The following MLLT3 variants were observed in gnomAD, a reference collection of about 807,000 sequenced individuals.
The protein encoded by MLLT3 is MLLT3 super elongation complex subunit.
Under a neutral mutation model 53.2 loss-of-function variants are expected in MLLT3, and 4 were observed. The observed-to-expected ratio is 0.08, with a 90% CI of 0.04 to 0.17. MLLT3 has a LOEUF of 0.17. MLLT3 is among the 10% of genes least tolerant of loss of function. The pLI is 1.00. For synonymous variants in MLLT3, 283 were observed against 230.6 expected (o/e 1.23, Z -2.06); for missense variants, 569 against 684.0 (o/e 0.83, Z 1.87).
chr9:20,548,673 C>A (rs901271915), intron 2 of MLLT3, among the ~76,000 whole-genome samples: 1 of 152,088 alleles, frequency 6.6e-6, no homozygotes, highest in Non-Finnish European at 1.5e-5. Context: ...ATCTCTTCTG[C>A]GGGCTCTGGG....
chr9:20,491,086 C>T (rs956960606), intron 2 of MLLT3, among the ~76,000 whole-genome samples: 4 of 151,974 alleles, frequency 2.6e-5, no homozygotes, highest in African/African-American at 9.7e-5. Flanking sequence ...TTTATAATGT[C>T]CTTAAGTGAC....
chr9:20,567,088 T>C (rs1819395678), intron 2 of MLLT3, among the ~76,000 whole-genome samples: 1 of 151,504 alleles, frequency 6.6e-6, no homozygotes, highest in South Asian at 2.1e-4. Flanking sequence ...TGGGTCTGAA[T>C]TGTGTTTGAA....
At chr9:20,615,360 G>GGA (rs1820803780) in intron 2 of MLLT3, among the ~76,000 whole-genome samples, 4 of 48,774 alleles carry the variant, frequency 8.2e-5, no homozygotes, top group East Asian at 8.2e-4. Flanking sequence ...CAGACCATGT[G>GGA]AAAAAAAAAA....
chr9:20,402,679 T>C (rs1822485623), intron 5 of MLLT3, among the ~76,000 whole-genome samples: 1 of 152,176 alleles, frequency 6.6e-6, no homozygotes, highest in South Asian at 2.1e-4. Context: ...CCCCCTGAAA[T>C]ACATCAAGTC....
intron 2 of MLLT3, among the ~76,000 whole-genome samples, chr9:20,517,035 T>A (rs532537397): frequency 3.9e-5 from 6 of 152,204 alleles, no homozygotes; most frequent in African/African-American, 1.2e-4. Context: ...TTGTATTTTT[T>A]AAAAATAGTC....
chr9:20,565,984 T>TA (rs1819360745), intron 2 of MLLT3, among the ~76,000 whole-genome samples: 1 of 100,230 alleles, frequency 1.0e-5, no homozygotes, highest in Non-Finnish European at 2.0e-5. Flanking sequence ...ATATATATAT[T>TA]TATTTATATA....
chr9:20,395,344 C>T (rs1047107617), intron 5 of MLLT3, among the ~76,000 whole-genome samples: 2 of 152,118 alleles, frequency 1.3e-5, no homozygotes. Context: ...TGGCTTCATG[C>T]CCTGGCAGAA....
chr9:20,445,339 T>C (rs1405870782), intron 4 of MLLT3, among the ~76,000 whole-genome samples: 1 of 152,144 alleles, frequency 6.6e-6, no homozygotes, highest in African/African-American at 2.4e-5. Context: ...CAGGGTATAT[T>C]TCTTCCAAGA....
At chr9:20,506,870 C>T (rs1825394799) in intron 2 of MLLT3, among the ~76,000 whole-genome samples, 1 of 152,184 alleles carries the variant, frequency 6.6e-6, no homozygotes, top group Admixed American at 6.5e-5. Context: ...TAATCAAAAT[C>T]TACCAGTAGA....
chr9:20,620,293 A>ACACACACGCG lies in MLLT3; in HGVS notation c.193+360_193+361insCGCGTGTGTG, dbSNP rs1176274864. On this transcript the variant is annotated intron_variant, in intron 2 of 10. Transcript: ENST00000380338. This position sits in a 1 kb window ranked among gnomAD's most constrained non-coding sequence, Gnocchi z 6.1. ...CACACACACACACACACACACACAC[A>ACACACACGCG]CGCGCAAAGTGTTTATTCCCTCCAG... 6.9e-6 allele frequency among the ~76,000 whole-genome samples: 1 copy of ACACACACGCG among 145,962 alleles called. No individual in the cohort carries two copies. The highest frequency in any genetic ancestry group is 2.5e-5 in the African/African-American group (1 of 39,816).
rs377584308 is a variant in MLLT3, at chr9:20,417,357, T to C, written c.421-2932A>G. On this transcript the variant is annotated intron_variant, in intron 4 of 10. Transcript: ENST00000380338. ...GCCTATCTGATATTTACATATATTA[T>C]ATAAAAATATATATATTATATATAA... 3.4e-5 allele frequency among the ~76,000 whole-genome samples: 5 copies of C among 147,788 alleles called. No individual in the cohort carries two copies. The East Asian group carries it at 9.8e-4, about 29-fold the overall frequency.
intron 2 of MLLT3, among the ~76,000 whole-genome samples, chr9:20,555,548 A>G (rs1218943958): frequency 2.6e-5 from 4 of 152,250 alleles, no homozygotes; most frequent in African/African-American, 9.6e-5. Context: ...CGGGCTATGT[A>G]TAACATTTAG....
chr9:20,373,645 C>T (rs1821678431), intron 5 of MLLT3, among the ~76,000 whole-genome samples: 1 of 152,020 alleles, frequency 6.6e-6, no homozygotes, highest in African/African-American at 2.4e-5. Flanking sequence ...TACAGTATAA[C>T]TAGTTAAACA....
At chr9:20,459,659 A>T (rs1357579168) in intron 2 of MLLT3, among the ~76,000 whole-genome samples, 1 of 152,152 alleles carries the variant, frequency 6.6e-6, no homozygotes, top group Admixed American at 6.5e-5. Context: ...CTGAATGCAA[A>T]TTGCTCCTAT....
chr9:20,560,370 C>T (rs913056145), intron 2 of MLLT3, among the ~76,000 whole-genome samples: 5 of 152,092 alleles, frequency 3.3e-5, no homozygotes, highest in Admixed American at 1.3e-4. Context: ...CAAAAGAAAA[C>T]ATATTATATC....
intron 4 of MLLT3, 72 bp from the exon 5 acceptor site, chr9:20,414,497 A>C: frequency 2.5e-6 from 4 of 1,581,034 alleles, no homozygotes; most frequent in Non-Finnish European, 3.4e-6. Context: ...AGATCTACAT[A>C]AAATGATCCT....
intron 2 of MLLT3, among the ~76,000 whole-genome samples, chr9:20,585,776 G>A (rs1277318311): frequency 6.6e-6 from 1 of 152,176 alleles, no homozygotes; most frequent in East Asian, 1.9e-4. Flanking sequence ...TCATCTTGGA[G>A]CATGATCACC....
At chr9:20,427,667 A>G (rs1453720585) in intron 4 of MLLT3, among the ~76,000 whole-genome samples, 2 of 151,978 alleles carry the variant, frequency 1.3e-5, no homozygotes, top group East Asian at 3.8e-4. Flanking sequence ...GAAGAACACC[A>G]AAACAAAAAA....
intron 4 of MLLT3, among the ~76,000 whole-genome samples, chr9:20,441,528 A>G (rs1029908978): frequency 1.3e-5 from 2 of 152,084 alleles, no homozygotes; most frequent in African/African-American, 2.4e-5. Flanking sequence ...TTATAGAAAG[A>G]AGGAGAAAAT....
Sources: gnomAD v4.1 joint callset for allele counts (sites outside exome capture counted in the v4.1 genomes callset) on GRCh38, gnomAD v4.1.1 for gene constraint, Gnocchi (gnomAD v3.1) non-coding constraint, MANE v1.5 for transcripts, NCBI Gene and HGNC (gene_info 2026-07-23, HGNC 2026-07-21) for gene names.